The following ZCCHC10 variants were observed in gnomAD, a reference collection of about 807,000 sequenced individuals.
The protein encoded by ZCCHC10 is zinc finger CCHC-type containing 10, also known as zinc finger CCHC domain-containing protein 10.
Under a neutral mutation model 19.5 loss-of-function variants are expected in ZCCHC10, and 16 were observed. That is an observed-to-expected ratio of 0.82 (90% CI 0.56 to 1.25). The LOEUF is 1.25. Among genes scored for constraint, ZCCHC10 ranks in the 50% most tolerant of loss-of-function variants. The pLI is 0.00. For missense variants in ZCCHC10, 197 were observed against 201.0 expected, an observed-to-expected ratio of 0.98 and a Z score of 0.12; for synonymous variants, 67 against 72.5, an observed-to-expected ratio of 0.92 and a Z score of 0.38.
At chr5:133,006,721 TA>T (rs760258803) in intron 3 of ZCCHC10, 37 bp downstream of exon 3, 48 of 1,554,008 alleles carry the variant, frequency 3.1e-5, no homozygotes, top group Admixed American at 1.2e-4. Flanking sequence ...ATATACACAT[TA>T]AAAAAATATT....
At chr5:133,014,577 T>C (rs148207311) in intron 2 of ZCCHC10, among the ~76,000 whole-genome samples, 50 of 152,324 alleles carry the variant, frequency 3.3e-4, no homozygotes, top group African/African-American at 1.1e-3. Context: ...TCTCCTTCAG[T>C]AGGGAAGAGT....
Position 133,006,905 on chromosome 5 carries a change from T to G in ZCCHC10, c.123A>C (p.Gln41His). Residue 41 changes from glutamine to histidine, a missense_variant, in exon 3 of 5, where the codon CAA (glutamine) becomes CAC (histidine). Transcript: ENST00000509437. ...CCAAGCATTTCTGACATCTTACATG[T>G]TGCTTATTTGCTTCACTACAGAACA... Reference protein sequence around the residue: ...PSIVISEANKQHVRCQKCLEF... With the variant: ...PSIVISEANKHHVRCQKCLEF... The G allele has an allele frequency of 1.2e-6, 2 of 1,607,890 alleles. No homozygotes were observed. Among genetic ancestry groups the G allele is most frequent in the Non-Finnish European group, 1.7e-6 (2 of 1,177,992 alleles).
intron 3 of ZCCHC10, 116 bp from the exon 4 acceptor site, chr5:133,000,289 T>C: frequency 8.5e-7 from 1 of 1,172,224 alleles, no homozygotes; most frequent in Non-Finnish European, 1.2e-6. Flanking sequence ...TCTGTGTTTT[T>C]ATCACATACA....
intron 4 of ZCCHC10, among the ~76,000 whole-genome samples, chr5:132,999,530 T>C (rs998739252): frequency 2.0e-5 from 3 of 152,200 alleles, no homozygotes; most frequent in East Asian, 1.9e-4. Flanking sequence ...AGACCAGATA[T>C]GGCTGGCCAA....
chr5:133,008,779 AG>A (rs1330102363), intron 2 of ZCCHC10, among the ~76,000 whole-genome samples: 1 of 151,926 alleles, frequency 6.6e-6, no homozygotes, highest in Admixed American at 6.6e-5. Flanking sequence ...TGGGAGGCCA[AG>A]GGAGGCAGAT....
intron 2 of ZCCHC10, among the ~76,000 whole-genome samples, chr5:133,015,070 C>T (rs1763827955): frequency 1.4e-5 from 2 of 146,828 alleles, no homozygotes; most frequent in Non-Finnish European, 3.0e-5. Context: ...GACTTCGCCA[C>T]TGTGAGGTTT....
intron 2 of ZCCHC10, among the ~76,000 whole-genome samples, chr5:133,017,263 T>C (rs1044698598): frequency 3.3e-5 from 5 of 152,126 alleles, no homozygotes; most frequent in Non-Finnish European, 7.3e-5. Context: ...CAAAGCCAAG[T>C]TGACCCTCTG....
At chr5:133,016,759 C>T (rs1311870978) in intron 2 of ZCCHC10, among the ~76,000 whole-genome samples, 1 of 152,092 alleles carries the variant, frequency 6.6e-6, no homozygotes, top group Non-Finnish European at 1.5e-5. Context: ...CTCTTCTATA[C>T]TTCCTTCTTC....
rs190603479 is a variant in ZCCHC10 at position 132,999,063 on chromosome 5, G to A, written c.312-213C>T. 2.5e-3 allele frequency among the ~76,000 whole-genome samples: 376 copies of A among 151,986 alleles called. 4 individuals are homozygous for A. Among genetic ancestry groups the A allele is most frequent in the Non-Finnish European group, 4.5e-3 (309 of 67,992 alleles). On this transcript the variant is annotated intron_variant, in intron 4 of 4. Coordinates refer to ENST00000509437, the MANE Select transcript of ZCCHC10 (RefSeq NM_001300816.3). ...TCCAAGTAGCCAGGATTACAGGTGC[G>A]CACACCGACGCCCAGATGATTTTTG...
rs1467338154 is a variant in ZCCHC10, at chr5:132,998,583, CTATT to C, written c.575_578del (p.Lys192ArgfsTer9). 6 of 1,612,080 alleles carry C rather than the reference CTATT, an allele frequency of 3.7e-6. 1 individual carries two copies. Among genetic ancestry groups the C allele is most frequent in the African/African-American group, 1.3e-5 (1 of 74,890 alleles). On this transcript the variant is annotated frameshift_variant and stop_lost, in exon 5 of 5. Coordinates refer to ENST00000509437, the MANE Select transcript of ZCCHC10 (RefSeq NM_001300816.3). LOFTEE classifies it high-confidence loss of function. ...TCAGTCCAATATGAATGGAGCAACT[CTATT>C]TCTTTTTCTTCTTCTTTGGTGGTTC...
At position 132,998,848 on chromosome 5, in the gene ZCCHC10, G is replaced by C. The variant is rs770767327; in HGVS notation, c.314C>G (p.Ser105Cys). 1 of 1,613,836 alleles carries C rather than the reference G, an allele frequency of 6.2e-7. No individual in the cohort carries two copies. Among genetic ancestry groups the C allele is most frequent in the Non-Finnish European group, 8.5e-7 (1 of 1,179,860 alleles). ...GCTACTGGAACTGGTTACACTCTTA[G>C]ACCTATTAGACAATACAGAGTTATA... ...NVERKAKKKR[S>C]KSVTSSSSSS... Residue 105 changes from serine to cysteine, a missense_variant and splice_region_variant, in exon 5 of 5, where the codon TCT (serine) becomes TGT (cysteine). Physicochemically the swap from Ser to Cys is moderately radical, Grantham distance 112. Transcript: ENST00000509437.
intron 2 of ZCCHC10, chr5:133,018,980 C>T (rs756405957): frequency 7.1e-5 from 29 of 406,072 alleles, no homozygotes; most frequent in Non-Finnish European, 1.3e-4. Flanking sequence ...TTGTTTTCTC[C>T]ATATTGAGAA....
chr5:133,008,838 CCT>C (rs1217595309), intron 2 of ZCCHC10, among the ~76,000 whole-genome samples: 2 of 151,856 alleles, frequency 1.3e-5, no homozygotes. Flanking sequence ...ATGGTGAAAC[CCT>C]GTCTCTAAAA....
intron 4 of ZCCHC10, among the ~76,000 whole-genome samples, chr5:132,999,895 G>A (rs1165361078): frequency 6.6e-6 from 1 of 152,042 alleles, no homozygotes; most frequent in Non-Finnish European, 1.5e-5. Context: ...TTACAGGCAT[G>A]TGCCACCACA....
chr5:133,014,366 T>C (rs973021302), intron 2 of ZCCHC10, among the ~76,000 whole-genome samples: 1 of 152,086 alleles, frequency 6.6e-6, no homozygotes, highest in African/African-American at 2.4e-5. Flanking sequence ...GTTTCCTCCA[T>C]GTTGGTCAGG....
At chr5:133,012,677 G>A (rs965702915) in intron 2 of ZCCHC10, among the ~76,000 whole-genome samples, 11 of 152,088 alleles carry the variant, frequency 7.2e-5, no homozygotes, top group African/African-American at 2.7e-4. Flanking sequence ...CACTTTGGGA[G>A]GCCAAGGTGG....
intron 2 of ZCCHC10, among the ~76,000 whole-genome samples, chr5:133,008,085 C>T (rs1434272091): frequency 2.0e-5 from 3 of 150,938 alleles, no homozygotes; most frequent in East Asian, 2.0e-4. Context: ...ATTAGCCGGG[C>T]GTGGTGGTGG....
chr5:133,020,622 T>TAA (rs144162284), intron 2 of ZCCHC10, among the ~76,000 whole-genome samples: 2 of 124,726 alleles, frequency 1.6e-5, no homozygotes, highest in Non-Finnish European at 1.7e-5. Flanking sequence ...AGCCTGTCTT[T>TAA]AAAAAAAAAA....
chr5:133,001,953 CTTTTTTTT>C lies in ZCCHC10; in HGVS notation c.270-1788_270-1781del, dbSNP rs34331639. On this transcript the variant is annotated intron_variant, in intron 3 of 4. Transcript: ENST00000509437. Reference sequence around the variant, plus strand: ...TATAACTGAATCAAAATTCAGCAATCTTTTTTTTTTTTTTTTTTTTTTTTTTTGAGATG... The same window carrying C: ...TATAACTGAATCAAAATTCAGCAATCTTTTTTTTTTTTTTTTTTTGAGATG... Among the ~76,000 whole-genome samples, 13 of 77,866 alleles carry C rather than the reference CTTTTTTTT, an allele frequency of 1.7e-4. No homozygotes were observed. The South Asian group carries it at 3.7e-3, about 22-fold the overall frequency. 51.1% of individuals were successfully genotyped at this position (77,866 alleles called of 152,430 possible). A position where few individuals can be genotyped will look rare whatever the true frequency, so the allele number is the denominator to read the frequency against.
Sources: allele counts gnomAD v4.1 joint callset (sites outside exome capture counted in the v4.1 genomes callset), GRCh38; gene constraint gnomAD v4.1.1; transcripts MANE v1.5; gene names NCBI Gene and HGNC (gene_info 2026-07-23, HGNC 2026-07-21).